The following ARAP2 variants were observed in gnomAD, a reference collection of about 807,000 sequenced individuals.
ARAP2 encodes arf-GAP with Rho-GAP domain, ANK repeat and PH domain-containing protein 2.
ARAP2 carries 148 observed loss-of-function variants against 194.5 expected under a neutral mutation model. The observed-to-expected ratio is 0.76, with a 90% CI of 0.67 to 0.87. The LOEUF is 0.87. ARAP2 is among the 40% of genes least tolerant of loss of function. ARAP2 has a pLI of 0.00. For synonymous variants in ARAP2, 695 were observed against 683.5 expected, an observed-to-expected ratio of 1.02 and a Z score of -0.26; for missense variants, 2,128 against 1,989.7, an observed-to-expected ratio of 1.07 and a Z score of -1.32.
At chr4:36,070,117 C>A (rs2109305101) in intron 32 of ARAP2, among the ~76,000 whole-genome samples, 1 of 152,182 alleles carries the variant, frequency 6.6e-6, no homozygotes, top group East Asian at 1.9e-4. Flanking sequence ...TCAGACATTT[C>A]TTTATAGCAA....
At chr4:36,196,836 T>A (rs1367918882) in intron 6 of ARAP2, among the ~76,000 whole-genome samples, 1 of 151,760 alleles carries the variant, frequency 6.6e-6, no homozygotes, top group Non-Finnish European at 1.5e-5. Context: ...AGACTCTTTC[T>A]TGCCTCATGG....
chr4:36,017,847 G>A (rs1716152335), intron 6 of ARAP2, among the ~76,000 whole-genome samples: 1 of 152,110 alleles, frequency 6.6e-6, no homozygotes, highest in Non-Finnish European at 1.5e-5. Flanking sequence ...AGAAGAAAGG[G>A]TGGAAGCAGG....
intron 9 of ARAP2, among the ~76,000 whole-genome samples, chr4:36,176,053 A>G (rs2109844537): frequency 6.6e-6 from 1 of 152,310 alleles, no homozygotes; most frequent in Admixed American, 6.5e-5. Flanking sequence ...AAGAATCCTT[A>G]GGCTATTTCT....
intron 8 of ARAP2, among the ~76,000 whole-genome samples, chr4:36,014,577 T>G (rs1715437211): frequency 6.6e-6 from 1 of 152,172 alleles, no homozygotes. Flanking sequence ...TTCAGCAAAT[T>G]GCTATTATAA....
rs1386767075 is a variant in ARAP2 at position 36,159,204 on chromosome 4, CT to C, written c.2617+126del. 21 of 1,055,732 alleles carry C rather than the reference CT, an allele frequency of 2.0e-5. No homozygotes were observed. In the African/African-American group the frequency reaches 3.1e-4, roughly 16 times the overall value. 65.4% of individuals were successfully genotyped at this position (1,055,732 alleles called of 1,614,324 possible). ...AAAAAATAGTCTTAGGCATCTCCAT[CT>C]TTTTGGTAATTACATTTTTCTTCAT... On this transcript the variant is annotated intron_variant, in intron 14 of 32. Transcript: ENST00000303965.
chr4:36,128,475 T>TAAACAC, intron 21 of ARAP2, 58 bp downstream of exon 21: 1 of 256,428 alleles, frequency 3.9e-6, no homozygotes, highest in Non-Finnish European at 5.3e-6. Context: ...TGGTCTATAT[T>TAAACAC]ATACACACAC....
intron 6 of ARAP2, among the ~76,000 whole-genome samples, chr4:36,204,328 G>A (rs1381790845): frequency 1.3e-5 from 2 of 152,116 alleles, no homozygotes; most frequent in Admixed American, 1.3e-4. Context: ...TTCCAGTTAA[G>A]ATTTCTAAAA....
In ARAP2 at chr4:36,168,687, AT is replaced by A. The variant is rs547049747; in HGVS notation, c.1858-1641del. ...ATTTAGAAAACAAATCATCAACCGA[AT>A]TTTTTTTTCTGATGAAAGAACTAAT... On this transcript the variant is annotated intron_variant, in intron 9 of 32. Transcript: ENST00000303965. Among the ~76,000 whole-genome samples, 16 of 151,832 alleles carry A rather than the reference AT, an allele frequency of 1.1e-4. No individual in the cohort carries two copies. In the South Asian group the frequency reaches 2.7e-3, roughly 26 times the overall value.
At chr4:36,005,518 T>C (rs141777546) in intron 10 of ARAP2, 149 of 152,266 alleles carry the variant, frequency 9.8e-4, no homozygotes, top group African/African-American at 3.2e-3. Context: ...ATAAGAAATG[T>C]ACAATACACC....
At chr4:36,017,412 G>A (rs1032015506) in intron 6 of ARAP2, among the ~76,000 whole-genome samples, 11 of 151,356 alleles carry the variant, frequency 7.3e-5, no homozygotes, top group Non-Finnish European at 1.5e-4. Flanking sequence ...CATTCTGTAT[G>A]TCAGGTCATG....
chr4:36,094,682 A>T (rs995538093), intron 27 of ARAP2, among the ~76,000 whole-genome samples: 2 of 152,180 alleles, frequency 1.3e-5, no homozygotes, highest in African/African-American at 4.8e-5. Flanking sequence ...AATGGTAATA[A>T]TCTGAGCACC....
At chr4:36,014,522 A>G (rs1715427352) in intron 8 of ARAP2, among the ~76,000 whole-genome samples, 1 of 152,192 alleles carries the variant, frequency 6.6e-6, no homozygotes, top group Non-Finnish European at 1.5e-5. Flanking sequence ...CACTATCTGT[A>G]TAAAATTCAT....
intron 26 of ARAP2, among the ~76,000 whole-genome samples, chr4:36,110,292 A>G (rs1560450710): frequency 6.6e-6 from 1 of 151,976 alleles, no homozygotes; most frequent in African/African-American, 2.4e-5. Context: ...TAATCAGAAG[A>G]TAACAGCAGT....
rs57456038 is a variant in ARAP2, at chr4:36,124,775, C to T, written c.3746+87G>A. Reference sequence around the variant, plus strand: ...GAGACTAAGGTGAGTTCTTATGATACGTAGAAAGATTCACAATCACATAAG... The same window carrying T: ...GAGACTAAGGTGAGTTCTTATGATATGTAGAAAGATTCACAATCACATAAG... On this transcript the variant is annotated intron_variant, in intron 22 of 32. Transcript: ENST00000303965. 1.5e-3 allele frequency: 1,180 copies of T among 795,626 alleles called. 14 individuals carry two copies. In the African/African-American group the frequency reaches 0.018, roughly 12 times the overall value. 49.3% of individuals were successfully genotyped at this position (795,626 alleles called of 1,614,324 possible).
intron 16 of ARAP2, 58 bp downstream of exon 16, chr4:36,150,842 C>T: frequency 6.5e-7 from 1 of 1,536,222 alleles, no homozygotes; most frequent in South Asian, 1.2e-5. Flanking sequence ...ACTCTCATTA[C>T]CTGTTATAAT....
At chr4:36,022,463 G>A (rs1371397714) in intron 5 of ARAP2, among the ~76,000 whole-genome samples, 1 of 152,138 alleles carries the variant, frequency 6.6e-6, no homozygotes, top group Non-Finnish European at 1.5e-5. Context: ...AGCGAGCGGG[G>A]AGTGAGCAGG....
At chr4:36,144,765 CAAGAT>C (rs1184928604) in intron 19 of ARAP2, among the ~76,000 whole-genome samples, 8 of 151,740 alleles carry the variant, frequency 5.3e-5, no homozygotes, top group Admixed American at 4.6e-4. Flanking sequence ...AAACATTGAA[CAAGAT>C]AAGATTGAAC....
chr4:36,137,749 G>A (rs561983229), intron 19 of ARAP2, among the ~76,000 whole-genome samples: 2 of 151,790 alleles, frequency 1.3e-5, no homozygotes, highest in South Asian at 4.2e-4. Context: ...TACTAGCCTA[G>A]TTCATGAGCT....
intron 19 of ARAP2, among the ~76,000 whole-genome samples, chr4:36,137,846 T>C (rs1727213301): frequency 1.3e-5 from 2 of 151,794 alleles, no homozygotes; most frequent in Non-Finnish European, 2.9e-5. Context: ...GAAATGCTGA[T>C]GTGTATTTCT....
Sources: allele counts gnomAD v4.1 joint callset (sites outside exome capture counted in the v4.1 genomes callset), GRCh38; gene constraint gnomAD v4.1.1; transcripts MANE v1.5; gene names NCBI Gene and HGNC (gene_info 2026-07-23, HGNC 2026-07-21).